KSR1: variants seen among roughly 807,000 people sequenced by gnomAD.
The protein encoded by KSR1 is kinase suppressor of ras.
Under a neutral mutation model 92.9 loss-of-function variants are expected in KSR1, and 35 were observed. The ratio of observed to expected loss-of-function variants is 0.38; its 90% CI spans 0.29 to 0.50. The LOEUF (loss-of-function observed/expected upper bound fraction) is 0.50, where lower values mean the gene tolerates loss of function less well. Among genes scored for constraint, KSR1 ranks in the 20% least tolerant of loss-of-function variants. The pLI, the probability that KSR1 is intolerant of heterozygous loss-of-function variation, is 0.94. For missense variants in KSR1, 972 were observed against 1,158.5 expected (o/e 0.84, Z 2.34); for synonymous variants, 467 against 472.6 (o/e 0.99, Z 0.15).
At chr17:27,609,697 G>T in intron 16 of KSR1, 1 of 335,732 alleles carries the variant, frequency 3.0e-6, no homozygotes, top group Non-Finnish European at 5.5e-6. Flanking sequence ...GAACCCAAAA[G>T]GGAGCATGGC....
In KSR1 at chr17:27,619,211, G is replaced by A. The variant is rs565744975; in HGVS notation, c.2627+1783G>A. On this transcript the variant is annotated intron_variant, in intron 19 of 20. Coordinates refer to ENST00000644974, the MANE Select transcript of KSR1 (RefSeq NM_001394583.1). ...TGCATCCCCAACTCCCATACCTGGC[G>A]CCAGGTGTGGTGATGGCAGCATTCC... Among the ~76,000 whole-genome samples the A allele has an allele frequency of 6.6e-5, 10 of 152,222 alleles. No individual in the cohort carries two copies. The East Asian group carries it at 1.2e-3, about 18-fold the overall frequency.
chr17:27,541,479 G>A (rs2070962958), intron 1 of KSR1, among the ~76,000 whole-genome samples: 1 of 152,192 alleles, frequency 6.6e-6, no homozygotes, highest in South Asian at 2.1e-4. Flanking sequence ...CAGTTGGGTG[G>A]CTGGATACAT....
At chr17:27,473,391 T>C (rs149029433) in intron 1 of KSR1, among the ~76,000 whole-genome samples, 154 of 152,234 alleles carry the variant, frequency 1.0e-3, no homozygotes, top group African/African-American at 3.5e-3. Flanking sequence ...TCCCTCACAG[T>C]TGGAGACAGG....
At chr17:27,600,938 G>A (rs759033591) in intron 10 of KSR1, among the ~76,000 whole-genome samples, 2 of 152,160 alleles carry the variant, frequency 1.3e-5, no homozygotes, top group African/African-American at 4.8e-5. Flanking sequence ...AAAAAATGTG[G>A]GTAGGGAGTG....
intron 2 of KSR1, among the ~76,000 whole-genome samples, chr17:27,564,824 G>A (rs1166543154): frequency 2.0e-5 from 3 of 147,370 alleles, no homozygotes; most frequent in Non-Finnish European, 3.0e-5. Context: ...AGGCAGAGAC[G>A]TGTAGAAACT....
chr17:27,486,006 G>T (rs1294776730), intron 1 of KSR1, among the ~76,000 whole-genome samples: 1 of 152,196 alleles, frequency 6.6e-6, no homozygotes, highest in African/African-American at 2.4e-5. Context: ...TTCTTAGTGT[G>T]CCTGGCTCAC....
chr17:27,493,244 G>A lies in KSR1; in HGVS notation c.231+36370G>A, dbSNP rs1829802. Reference sequence around the variant, plus strand: ...GTGAGGCTTTGTGAAGTTGAATGATGTTCCCAAGGTCACCCAGTTAGTAAA... The same window carrying A: ...GTGAGGCTTTGTGAAGTTGAATGATATTCCCAAGGTCACCCAGTTAGTAAA... On this transcript the variant is annotated intron_variant, in intron 1 of 20. Transcript: ENST00000644974. Among the ~76,000 whole-genome samples, 513 of 152,308 alleles carry A rather than the reference G, an allele frequency of 3.4e-3. 3 individuals are homozygous for A. The highest frequency in any genetic ancestry group is 0.012 in the African/African-American group (496 of 41,550).
At chr17:27,602,369 C>A (rs1389928454) in intron 11 of KSR1, among the ~76,000 whole-genome samples, 1 of 152,174 alleles carries the variant, frequency 6.6e-6, no homozygotes, top group Admixed American at 6.5e-5. Context: ...TTGTGGTTCC[C>A]CTGGTTACTA....
intron 12 of KSR1, 44 bp from the exon 13 acceptor site, chr17:27,604,636 C>T (rs747776203): frequency 9.5e-6 from 15 of 1,579,708 alleles, no homozygotes; most frequent in East Asian, 6.7e-5. Context: ...GAGAGCAGAG[C>T]GGTGTTCCTC....
At chr17:27,585,727 G>A (rs926985646) in intron 5 of KSR1, 66 bp downstream of exon 5, 50 of 734,012 alleles carry the variant, frequency 6.8e-5, no homozygotes, top group Non-Finnish European at 1.1e-4. Context: ...TGTCCCCATC[G>A]GGGGTGGACC....
chr17:27,565,212 T>G (rs2072015087), intron 2 of KSR1, among the ~76,000 whole-genome samples: 1 of 152,234 alleles, frequency 6.6e-6, no homozygotes. Flanking sequence ...ATGCATTTCC[T>G]TCCAGTCAAC....
intron 1 of KSR1, among the ~76,000 whole-genome samples, chr17:27,515,530 G>C (rs201051812): frequency 6.6e-6 from 1 of 151,994 alleles, no homozygotes; most frequent in Non-Finnish European, 1.5e-5. Context: ...GCTCTACTGA[G>C]GTGTGGTTTG....
chr17:27,510,301 T>C (rs2069551805), intron 1 of KSR1, among the ~76,000 whole-genome samples: 1 of 152,218 alleles, frequency 6.6e-6, no homozygotes, highest in Admixed American at 6.5e-5. Context: ...GTTATCCCAG[T>C]GACCTCTGGC....
At chr17:27,601,783 A>G in intron 11 of KSR1, 4 of 781,156 alleles carry the variant, frequency 5.1e-6, no homozygotes, top group Non-Finnish European at 8.4e-6. Flanking sequence ...TCCCTTGCAC[A>G]ATGATGGGAG....
chr17:27,592,269 A>C (rs779167022), intron 7 of KSR1, 92 bp from the exon 8 acceptor site: 7 of 924,132 alleles, frequency 7.6e-6, no homozygotes, highest in Non-Finnish European at 1.0e-5. Context: ...GAAAATGGAG[A>C]CAGTCCTGAG....
At chr17:27,498,245 G>C (rs1360061178) in intron 1 of KSR1, among the ~76,000 whole-genome samples, 1 of 150,894 alleles carries the variant, frequency 6.6e-6, no homozygotes, top group African/African-American at 2.4e-5. Flanking sequence ...CAGGAGAATG[G>C]CATGAACTCG....
At chr17:27,494,969 G>C (rs1232836278) in intron 1 of KSR1, among the ~76,000 whole-genome samples, 1 of 152,244 alleles carries the variant, frequency 6.6e-6, no homozygotes, top group Admixed American at 6.5e-5. Context: ...TCAGTGACTG[G>C]AGAGGCAGAG....
Position 27,617,321 on chromosome 17 carries a change from C to T in KSR1, c.2520C>T (p.Phe840=), listed in dbSNP as rs765576662. The T allele has an allele frequency of 1.3e-5, 21 of 1,610,466 alleles. No homozygotes were observed. Among genetic ancestry groups the T allele is most frequent in the Middle Eastern group, 1.6e-4 (1 of 6,076 alleles). ...AGATCCTGTCGGCCTGCTGGGCTTT[C>T]GACCTGCAGGAGAGACCCAGCTTCA... ...VSEILSACWA[F]DLQERPSFSL... The change falls in exon 19 of 21, where the codon TTC becomes TTT. Residue 840 remains phenylalanine, a synonymous_variant. Transcript: ENST00000644974.
intron 17 of KSR1, 189 bp from the exon 18 acceptor site, chr17:27,611,305 C>A: frequency 1.6e-6 from 1 of 639,712 alleles, no homozygotes; most frequent in East Asian, 2.8e-5. Flanking sequence ...CCAACGAGAG[C>A]ACAGGGCCCA....
Sources: allele counts gnomAD v4.1 joint callset (sites outside exome capture counted in the v4.1 genomes callset), GRCh38; gene constraint gnomAD v4.1.1; transcripts MANE v1.5; gene names NCBI Gene and HGNC (gene_info 2026-07-23, HGNC 2026-07-21).